HCN1: variants seen among roughly 807,000 people sequenced by gnomAD.
HCN1 encodes hyperpolarization activated cyclic nucleotide gated potassium channel 1.
Under a neutral mutation model 78.9 loss-of-function variants are expected in HCN1, and 13 were observed. That is an observed-to-expected ratio of 0.16 (90% CI 0.11 to 0.26). The LOEUF (loss-of-function observed/expected upper bound fraction) is 0.26. HCN1 is among the 10% of genes least tolerant of loss of function. HCN1 has a pLI of 1.00. For synonymous variants in HCN1, 552 were observed against 455.5 expected, an observed-to-expected ratio of 1.21 and a Z score of -2.70; for missense variants, 810 against 1,154.3, an observed-to-expected ratio of 0.70 and a Z score of 4.32.
rs983678669 is a variant in HCN1 at position 45,538,511 on chromosome 5, G to C, written c.850-76504C>G. ...GCAATTTCGTGAATCTAAATCATTT[G>C]CCCAAGGTTACATAGTAAGTAAGTG... On this transcript the variant is annotated intron_variant, in intron 2 of 7. Coordinates refer to ENST00000303230, the MANE Select transcript of HCN1 (RefSeq NM_021072.4). Among the ~76,000 whole-genome samples, 58 of 152,152 alleles carry C rather than the reference G, an allele frequency of 3.8e-4. 1 individual carries two copies. The South Asian group carries it at 8.9e-3, about 23-fold the overall frequency.
chr5:45,668,385 C>T (rs1746090727), intron 1 of HCN1, among the ~76,000 whole-genome samples: 1 of 151,762 alleles, frequency 6.6e-6, no homozygotes, highest in Admixed American at 6.6e-5. Context: ...CACCTCCTCC[C>T]TCAATCTCTC....
intron 2 of HCN1, among the ~76,000 whole-genome samples, chr5:45,551,217 G>A (rs1322845650): frequency 6.6e-6 from 1 of 151,814 alleles, no homozygotes; most frequent in Non-Finnish European, 1.5e-5. Context: ...CAATTTCCTG[G>A]CTAGGTATTA....
At chr5:45,386,797 T>C (rs1048886717) in intron 4 of HCN1, among the ~76,000 whole-genome samples, 1 of 152,164 alleles carries the variant, frequency 6.6e-6, no homozygotes, top group Non-Finnish European at 1.5e-5. Flanking sequence ...TTGAATTCTC[T>C]CTAAATATCA....
At chr5:45,458,926 C>T (rs1391196281) in intron 3 of HCN1, among the ~76,000 whole-genome samples, 2 of 151,986 alleles carry the variant, frequency 1.3e-5, no homozygotes, top group Admixed American at 1.3e-4. Context: ...TTGCACTTCT[C>T]CATTATAACT....
chr5:45,562,755 C>T (rs1370826743), intron 2 of HCN1, among the ~76,000 whole-genome samples: 1 of 151,986 alleles, frequency 6.6e-6, no homozygotes, highest in Non-Finnish European at 1.5e-5. Context: ...ACACGTCACT[C>T]AGAAAAAAAA....
At chr5:45,661,382 A>G (rs1433275305) in intron 1 of HCN1, among the ~76,000 whole-genome samples, 1 of 150,916 alleles carries the variant, frequency 6.6e-6, no homozygotes, top group Non-Finnish European at 1.5e-5. Context: ...CCCTAACATC[A>G]CAATTAAAAG....
At chr5:45,305,909 A>G (rs1167192776) in intron 5 of HCN1, among the ~76,000 whole-genome samples, 1 of 152,022 alleles carries the variant, frequency 6.6e-6, no homozygotes, top group Non-Finnish European at 1.5e-5. Context: ...CAGTTGTAAA[A>G]AAGTACTCAT....
At chr5:45,669,950 T>C (rs1224595284) in intron 1 of HCN1, among the ~76,000 whole-genome samples, 1 of 151,776 alleles carries the variant, frequency 6.6e-6, no homozygotes, top group South Asian at 2.1e-4. Context: ...GTGTTTCCCA[T>C]CCCCCTCTGT....
At chr5:45,323,008 A>G (rs1435564283) in intron 5 of HCN1, among the ~76,000 whole-genome samples, 2 of 151,792 alleles carry the variant, frequency 1.3e-5, no homozygotes, top group African/African-American at 4.8e-5. Context: ...CTGAGTTTTT[A>G]ATTTATTTAA....
intron 2 of HCN1, among the ~76,000 whole-genome samples, chr5:45,493,337 T>A (rs1043614004): frequency 2.0e-5 from 3 of 151,962 alleles, no homozygotes; most frequent in African/African-American, 7.3e-5. Context: ...TGAAAACTTA[T>A]CTTATACTCT....
chr5:45,386,383 T>G (rs151257024), intron 4 of HCN1, among the ~76,000 whole-genome samples: 34 of 152,202 alleles, frequency 2.2e-4, no homozygotes, highest in African/African-American at 7.7e-4. Flanking sequence ...CTCCCTCTGT[T>G]GCCCAGGCTA....
rs766065214 is a variant in HCN1, at chr5:45,256,949, C to T, written c.*4972G>A. 3 of 152,180 alleles carry T rather than the reference C, an allele frequency of 2.0e-5. No homozygotes were observed. The highest frequency in any genetic ancestry group is 2.4e-5 in the African/African-American group (1 of 41,438). 9.4% of individuals were successfully genotyped at this position (152,180 alleles called of 1,614,324 possible). A position where few individuals can be genotyped will look rare whatever the true frequency, so the allele number is the denominator to read the frequency against. ...TCTCACAGGTTCTAGCTCTTATCTT[C>T]TTGTACCCCTTCCCTGCCGCAATAT... On this transcript the variant is annotated 3_prime_UTR_variant, in exon 8 of 8. Transcript: ENST00000303230.
At chr5:45,691,179 C>A (rs968370296) in intron 1 of HCN1, among the ~76,000 whole-genome samples, 11 of 151,904 alleles carry the variant, frequency 7.2e-5, no homozygotes, top group Non-Finnish European at 1.3e-4. Context: ...AGTAATATAT[C>A]TTTCCAGTGC....
At chr5:45,297,514 C>A (rs1217527549) in intron 6 of HCN1, among the ~76,000 whole-genome samples, 1 of 152,016 alleles carries the variant, frequency 6.6e-6, no homozygotes, top group African/African-American at 2.4e-5. Flanking sequence ...AAAGTTGTCA[C>A]CAGTAAATTC....
intron 1 of HCN1, among the ~76,000 whole-genome samples, chr5:45,658,082 C>G (rs571856161): frequency 6.6e-6 from 1 of 152,088 alleles, no homozygotes; most frequent in Non-Finnish European, 1.5e-5. Context: ...GAAATAACGC[C>G]GCATATCTAC....
intron 2 of HCN1, among the ~76,000 whole-genome samples, chr5:45,606,241 T>G (rs984831807): frequency 6.6e-6 from 1 of 152,062 alleles, no homozygotes; most frequent in East Asian, 1.9e-4. Context: ...GATTTTTGTT[T>G]TAGACAGTAT....
At chr5:45,624,198 C>A (rs1017850449) in intron 2 of HCN1, among the ~76,000 whole-genome samples, 2 of 152,130 alleles carry the variant, frequency 1.3e-5, no homozygotes, top group Non-Finnish European at 2.9e-5. Context: ...TTGGCTTAGG[C>A]TCTCAAAGAA....
At chr5:45,279,503 A>G (rs1745120762) in intron 6 of HCN1, among the ~76,000 whole-genome samples, 1 of 152,168 alleles carries the variant, frequency 6.6e-6, no homozygotes, top group Admixed American at 6.6e-5. Flanking sequence ...GATTTTTCCT[A>G]TATTTTGTTA....
intron 2 of HCN1, among the ~76,000 whole-genome samples, chr5:45,549,501 A>G (rs1486889248): frequency 6.6e-6 from 1 of 152,224 alleles, no homozygotes; most frequent in Non-Finnish European, 1.5e-5. Flanking sequence ...TTAATCCAAG[A>G]TGGATTAAAG....
Sources: gnomAD v4.1 joint callset for allele counts (sites outside exome capture counted in the v4.1 genomes callset) on GRCh38, gnomAD v4.1.1 for gene constraint, MANE v1.5 for transcripts, NCBI Gene and HGNC (gene_info 2026-07-23, HGNC 2026-07-21) for gene names.